HCFC1: variants seen among roughly 807,000 people sequenced by gnomAD.
HCFC1 encodes host cell factor C1.
In HCFC1, 7 loss-of-function variants were observed where a neutral mutation model predicts 105.5. The ratio of observed to expected loss-of-function variants is 0.07; its 90% CI spans 0.04 to 0.12. HCFC1 has a LOEUF of 0.12. HCFC1 is among the 10% of genes least tolerant of loss of function. The probability of loss-of-function intolerance (pLI) is 1.00; values close to 1 mark genes in which losing one functional copy is unlikely to be tolerated. For missense variants in HCFC1, 1,065 were observed against 1,823.6 expected (o/e 0.58, Z 7.58); for synonymous variants, 918 against 828.1 (o/e 1.11, Z -1.86).
At position 153,962,061 on chromosome X, in the gene HCFC1, C is replaced by T. The variant is rs150791051; in HGVS notation, c.797+161G>A. ...CCCTGAATCTGTCTTTCCTTGGTCC[C>T]CCAGGGTCGTAATGGAAAAACAGGG... On this transcript the variant is annotated intron_variant, in intron 5 of 25. Transcript: ENST00000310441. Among the ~76,000 whole-genome samples, 46 of 111,557 alleles carry T rather than the reference C, an allele frequency of 4.1e-4. No individual in the cohort carries two copies. The East Asian group carries it at 0.012, about 30-fold the overall frequency.
At position 153,954,843 on chromosome X, in the gene HCFC1, GGGCCCCGGT is replaced by G; in HGVS notation, c.3547_3555del (p.Thr1183_Ala1185del). ...CCAAGGAGTGGGCCGGCCGAGCACG[GGGCCCCGGT>G]GGCCATCACAGTCATGGTGGTGCTG... On this transcript the variant is annotated inframe_deletion, in exon 17 of 26. Coordinates refer to ENST00000310441, the MANE Select transcript of HCFC1 (RefSeq NM_005334.3). 8.7e-7 allele frequency: 1 copy of G among 1,150,088 alleles called. No individual in the cohort carries two copies. Among genetic ancestry groups the G allele is most frequent in the South Asian group, 2.0e-5 (1 of 51,089 alleles). The allele number at this position is 1,150,088 out of a possible 1,213,427, so 94.8% of individuals were successfully genotyped here.
rs782563386 is a variant in HCFC1, at chrX:153,953,619, G to A, written c.4485C>T (p.Gly1495=). The A allele has an allele frequency of 8.3e-6, 10 of 1,209,521 alleles. No individual in the cohort carries two copies. Among genetic ancestry groups the A allele is most frequent in the East Asian group, 5.9e-5 (2 of 33,832 alleles). ...TTVTQSTPVP[G]PSVPPPEELQ... The stretch of plus-strand genomic sequence containing the variant: ...CCTGGGCTCTTACCGGCACAGAGGG[G>A]CCCGGGACCGGTGTGGACTGCGTCA... Residue 1495 remains glycine (G), a synonymous_variant, in exon 18 of 26, where the codon GGC becomes GGT. Coordinates refer to ENST00000310441, the MANE Select transcript of HCFC1 (RefSeq NM_005334.3).
rs782206577 is a variant in HCFC1 at position 153,953,603 on chromosome X, T to C, written c.4497+4A>G. 3.6e-5 allele frequency: 43 copies of C among 1,204,613 alleles called. 1 individual carries two copies. The highest frequency in any genetic ancestry group is 2.8e-4 in the South Asian group (16 of 56,674). ...GGGAAGAACACGGCCCCCTGGGCTC[T>C]TACCGGCACAGAGGGGCCCGGGACC... On this transcript the variant is annotated splice_donor_region_variant and intron_variant, in intron 18 of 25. Coordinates refer to ENST00000310441, the MANE Select transcript of HCFC1 (RefSeq NM_005334.3).
Position 153,970,673 on chromosome X carries a change from C to T in HCFC1, c.168G>A (p.Val56=). Residue 56 remains valine (V), a synonymous_variant, in exon 1 of 26, where the codon GTG becomes GTA. Coordinates refer to ENST00000310441, the MANE Select transcript of HCFC1 (RefSeq NM_005334.3). ...CCGTGTTGTACACGTGCAGTTCGTC[C>T]ACTATTCCCTCGTTGCCGCCGCCAA... ...VVFGGGNEGI[V]DELHVYNTAT... 1.7e-6 allele frequency: 2 copies of T among 1,209,205 alleles called. No individual in the cohort carries two copies. Among genetic ancestry groups the T allele is most frequent in the Non-Finnish European group, 2.2e-6 (2 of 894,121 alleles).
In HCFC1 at chrX:153,956,236, C is replaced by A. The variant is rs782200164; in HGVS notation, c.2811G>T (p.Thr937=). The A allele has an allele frequency of 8.2e-7, 1 of 1,212,262 alleles. No individual in the cohort carries two copies. Among genetic ancestry groups the A allele is most frequent in the South Asian group, 1.8e-5 (1 of 57,047 alleles). Residue 937 remains threonine, a synonymous_variant, in exon 16 of 26, where the codon ACG becomes ACT. Transcript: ENST00000310441. ...TAITVSAAQT[T]LTAAGGLTTP... ...TTGTGAGCCCGCCTGCCGCTGTCAG[C>A]GTGGTCTGTGCGGCCGACACAGTGA...
chrX:153,964,544 A>G, intron 2 of HCFC1, 34 bp downstream of exon 2: 1 of 1,174,057 alleles, frequency 8.5e-7, no homozygotes, highest in Non-Finnish European at 1.1e-6. Flanking sequence ...ACATGGGGCC[A>G]AGGAGGCAGA....
chrX:153,954,373 C>T lies in HCFC1; in HGVS notation c.4026G>A (p.Thr1342=), dbSNP rs201491358. The T allele has an allele frequency of 3.2e-5, 38 of 1,193,181 alleles. No homozygotes were observed. The highest frequency in any genetic ancestry group is 2.4e-4 in the Middle Eastern group (1 of 4,225). Residue 1342 remains threonine, a synonymous_variant, in exon 17 of 26, where the codon ACG becomes ACA. Transcript: ENST00000310441. The part of the protein sequence containing the change: ...TATTATSNGG[T]GQPEGGQQPP... ...GCTGCTGCCCACCCTCGGGCTGGCC[C>T]GTGCCCCCGTTTGAAGTAGCGGTGG...
rs371251018 is a variant in HCFC1 at position 153,954,624 on chromosome X, C to T, written c.3775G>A (p.Glu1259Lys). 18 of 1,205,767 alleles carry T rather than the reference C, an allele frequency of 1.5e-5. No individual in the cohort carries two copies. In the African/African-American group the frequency reaches 1.6e-4, roughly 11 times the overall value. Residue 1259 changes from glutamate to lysine, a missense_variant, in exon 17 of 26, where the codon GAG (glutamate) becomes AAG (lysine). This residue lies in a region of HCFC1 where 546 missense variants were observed against 599.9 expected (regional missense o/e 0.91). Coordinates refer to ENST00000310441, the MANE Select transcript of HCFC1 (RefSeq NM_005334.3). ...CTGGGCGAGCCACCCTGGAGGCTCT[C>T]GCACACAGGTGCCATGCGGGGCTCC... ...AGEPRMAPVC[E>K]SLQGGSPSTT...
rs782065356 is a variant in HCFC1, at chrX:153,955,159, G to A, written c.3240C>T (p.Cys1080=). 71 of 1,208,793 alleles carry A rather than the reference G, an allele frequency of 5.9e-5. No homozygotes were observed. In the South Asian group the frequency reaches 9.9e-4, roughly 17 times the overall value. ...TGGTGGTGCCCGTCTCGTGGGTCTC[G>A]CAGGGCGGGTTCGAACAGACTCGGA... is the stretch of plus-strand genomic sequence containing the variant. ...SVVRVCSNPP[C]ETHETGTTNT... Residue 1080 remains cysteine (C), a synonymous_variant, in exon 17 of 26, where the codon TGC becomes TGT. Coordinates refer to ENST00000310441, the MANE Select transcript of HCFC1 (RefSeq NM_005334.3).
In HCFC1 at chrX:153,970,859, G is replaced by C. The variant is rs782201179; in HGVS notation, c.-19C>G. Reference sequence around the variant, plus strand: ...AAGCCATAGTTCCGGGAAAGGGTGCGGTGGGGAGAAGTCAACAAGCGGGAA... The same window carrying C: ...AAGCCATAGTTCCGGGAAAGGGTGCCGTGGGGAGAAGTCAACAAGCGGGAA... On this transcript the variant is annotated 5_prime_UTR_variant, in exon 1 of 26. Coordinates refer to ENST00000310441, the MANE Select transcript of HCFC1 (RefSeq NM_005334.3). The C allele has an allele frequency of 1.8e-6, 2 of 1,131,917 alleles. No individual in the cohort carries two copies. Among genetic ancestry groups the C allele is most frequent in the South Asian group, 2.0e-5 (1 of 49,080 alleles). The allele number at this position is 1,131,917 out of a possible 1,213,427, so 93.3% of individuals were successfully genotyped here. A position where few individuals can be genotyped will look rare whatever the true frequency, so the allele number is the denominator to read the frequency against.
intron 22 of HCFC1, 64 bp downstream of exon 22, chrX:153,951,286 C>A: frequency 8.6e-7 from 1 of 1,159,730 alleles, no homozygotes; most frequent in East Asian, 3.0e-5. Flanking sequence ...TCCTGTAAGC[C>A]CCGCTCAGGG....
In HCFC1 at chrX:153,951,017, C is replaced by T. The variant is rs1557112308; in HGVS notation, c.5518-19G>A. On this transcript the variant is annotated intron_variant, in intron 22 of 25. Coordinates refer to ENST00000310441, the MANE Select transcript of HCFC1 (RefSeq NM_005334.3). The stretch of plus-strand genomic sequence containing the variant: ...AATCATCCTAGGAAAAGAGGAGTGG[C>T]ATGAACGCCACTGTGGAGAAGGCAG... 8.4e-7 allele frequency: 1 copy of T among 1,194,934 alleles called. No individual in the cohort carries two copies.
At chrX:153,963,547 G>C in intron 3 of HCFC1, 114 bp from the exon 4 acceptor site, 2 of 511,216 alleles carry the variant, frequency 3.9e-6, no homozygotes, top group Non-Finnish European at 6.6e-6. Flanking sequence ...AGGGCTGTGG[G>C]AGCTCTGAAG....
intron 1 of HCFC1, among the ~76,000 whole-genome samples, chrX:153,966,221 A>C (rs2065472724): frequency 1.8e-5 from 2 of 110,239 alleles, no homozygotes; most frequent in Non-Finnish European, 3.8e-5. Flanking sequence ...AAACAAACAA[A>C]CAAACAAAAA....
intron 4 of HCFC1, among the ~76,000 whole-genome samples, chrX:153,962,540 C>T (rs908603510): frequency 8.0e-5 from 9 of 112,562 alleles, no homozygotes; most frequent in African/African-American, 2.9e-4. Flanking sequence ...ATCCTGAGCA[C>T]CTGCCCTGAG....
In HCFC1 at chrX:153,971,155, G is replaced by A. The variant is rs1258892170; in HGVS notation, c.-315C>T. The stretch of plus-strand genomic sequence containing the variant: ...CTCCCGCTTACAAGCTCGGGCGGGA[G>A]GCCCTGGGAGCCGCCATCTTGAGCC... On this transcript the variant is annotated 5_prime_UTR_variant, in exon 1 of 26. Coordinates refer to ENST00000310441, the MANE Select transcript of HCFC1 (RefSeq NM_005334.3). The A allele has an allele frequency of 7.6e-5, 26 of 341,753 alleles. No individual in the cohort carries two copies. The highest frequency in any genetic ancestry group is 3.4e-4 in the South Asian group (4 of 11,763). The allele number at this position is 341,753 out of a possible 1,213,427, so 28.2% of individuals were successfully genotyped here. A position where few individuals can be genotyped will look rare whatever the true frequency, so the allele number is the denominator to read the frequency against.
At position 153,971,140 on chromosome X, in the gene HCFC1, C is replaced by A; in HGVS notation, c.-300G>T. ...CTACTTGTCCGGGCGCTCCCGCTTACAAGCTCGGGCGGGAGGCCCTGGGAG... is the reference window on the plus strand; with the variant it reads ...CTACTTGTCCGGGCGCTCCCGCTTAAAAGCTCGGGCGGGAGGCCCTGGGAG... On this transcript the variant is annotated 5_prime_UTR_variant, in exon 1 of 26. Coordinates refer to ENST00000310441, the MANE Select transcript of HCFC1 (RefSeq NM_005334.3). The A allele has an allele frequency of 2.9e-6, 1 of 347,347 alleles. No individual in the cohort carries two copies. Among genetic ancestry groups the A allele is most frequent in the East Asian group, 4.7e-5 (1 of 21,297 alleles). The allele number at this position is 347,347 out of a possible 1,213,427, so 28.6% of individuals were successfully genotyped here. A position where few individuals can be genotyped will look rare whatever the true frequency, so the allele number is the denominator to read the frequency against.
chrX:153,960,473 G>A (rs2065419255), intron 6 of HCFC1, 59 bp from the exon 7 acceptor site: 2 of 855,395 alleles, frequency 2.3e-6, no homozygotes, highest in South Asian at 3.2e-5. Context: ...CGCCACCCCT[G>A]GTTGCCCTTG....
chrX:153,961,469 A>G, intron 6 of HCFC1, 73 bp downstream of exon 6: 1 of 731,301 alleles, frequency 1.4e-6, no homozygotes, highest in South Asian at 2.3e-5. Context: ...CACACCCCAC[A>G]CAGCTCTTAG....
Sources: gnomAD v4.1 joint callset for allele counts (sites outside exome capture counted in the v4.1 genomes callset) on GRCh38, gnomAD v4.1.1 for gene constraint, gnomAD v4.1.1 regional missense constraint, MANE v1.5 for transcripts, NCBI Gene and HGNC (gene_info 2026-07-23, HGNC 2026-07-21) for gene names.